TESMIN: variants seen among roughly 807,000 people sequenced by gnomAD.
TESMIN encodes CXC domain containing 2.
In TESMIN, 34 loss-of-function variants were observed where a neutral mutation model predicts 47.4. The ratio of observed to expected loss-of-function variants is 0.72; its 90% CI spans 0.55 to 0.96. TESMIN has a LOEUF of 0.96. Among genes scored for constraint, TESMIN ranks in the 40% least tolerant of loss-of-function variants. TESMIN has a pLI of 0.00. For missense variants in TESMIN, 610 were observed against 637.2 expected (o/e 0.96, Z 0.46); for synonymous variants, 278 against 258.9 (o/e 1.07, Z -0.71).
chr11:68,737,599 T>C, intron 6 of TESMIN: 2 of 985,624 alleles, frequency 2.0e-6, no homozygotes, highest in Non-Finnish European at 2.4e-6. Flanking sequence ...CCAGGGTATG[T>C]GTTTGCCTTA....
intron 6 of TESMIN, among the ~76,000 whole-genome samples, chr11:68,734,579 G>C (rs991569871): frequency 6.6e-6 from 1 of 152,202 alleles, no homozygotes; most frequent in African/African-American, 2.4e-5. Context: ...CTGTCCCTGT[G>C]CCCAGTGGGG....
intron 3 of TESMIN, among the ~76,000 whole-genome samples, chr11:68,745,503 C>A (rs957994926): frequency 2.0e-5 from 3 of 152,146 alleles, no homozygotes; most frequent in Non-Finnish European, 4.4e-5. Context: ...CTCCGCTAAG[C>A]CCCAGCCCAT....
At chr11:68,749,914 T>TG (rs1006164751) in intron 2 of TESMIN, among the ~76,000 whole-genome samples, 12 of 152,190 alleles carry the variant, frequency 7.9e-5, no homozygotes, top group African/African-American at 2.9e-4. Flanking sequence ...CCCCTTTTTT[T>TG]GTTGTCCGCC....
intron 6 of TESMIN, among the ~76,000 whole-genome samples, chr11:68,732,240 C>T (rs959655986): frequency 3.3e-5 from 5 of 152,320 alleles, no homozygotes; most frequent in South Asian, 2.1e-4. Flanking sequence ...CGAGTGCCCT[C>T]GTGATGGTAC....
intron 6 of TESMIN, among the ~76,000 whole-genome samples, chr11:68,735,262 C>T (rs759437318): frequency 3.0e-4 from 46 of 152,208 alleles, no homozygotes; most frequent in Non-Finnish European, 4.7e-4. Context: ...AGCTACTTCA[C>T]TGCTCTTGCC....
chr11:68,742,271 A>T (rs1019466129), intron 5 of TESMIN, 47 bp downstream of exon 5: 5 of 1,155,070 alleles, frequency 4.3e-6, no homozygotes, highest in Admixed American at 4.7e-5. Flanking sequence ...AAATTTTAAG[A>T]GACAATAATG....
At position 68,713,329 on chromosome 11, in the gene TESMIN, T is replaced by G; in HGVS notation, c.1099A>C (p.Asn367His). 2 of 1,614,202 alleles carry G rather than the reference T, an allele frequency of 1.2e-6. No homozygotes were observed. The highest frequency in any genetic ancestry group is 1.7e-6 in the Non-Finnish European group (2 of 1,180,032). Reference protein sequence around the residue: ...GQLGNVKPQHNKGCNCRRSGC... With the variant: ...GQLGNVKPQHHKGCNCRRSGC... ...GACCTCCTGCAGTTGCACCCTTTGT[T>G]GTGCTGGGGCTTGACATTGCCCAAT... Residue 367 changes from asparagine (N) to histidine (H), a missense_variant, in exon 8 of 10, where the codon AAC (asparagine) becomes CAC (histidine). Asn to His is a moderately conservative substitution (Grantham distance 68). Transcript: ENST00000255087.
chr11:68,735,497 T>C (rs906166610), intron 6 of TESMIN, among the ~76,000 whole-genome samples: 5 of 152,338 alleles, frequency 3.3e-5, no homozygotes, highest in African/African-American at 9.6e-5. Flanking sequence ...TGGCCAGGAC[T>C]GTGGTCAGTG....
At chr11:68,734,194 C>T (rs1946361299) in intron 6 of TESMIN, among the ~76,000 whole-genome samples, 1 of 152,202 alleles carries the variant, frequency 6.6e-6, no homozygotes, top group Admixed American at 6.5e-5. Flanking sequence ...TGTTAGTAAT[C>T]ACTTAAGTGT....
intron 6 of TESMIN, chr11:68,736,513 C>A: frequency 1.0e-6 from 1 of 985,362 alleles, no homozygotes; most frequent in Non-Finnish European, 1.2e-6. Context: ...TTCTTACCAC[C>A]AAAAATAAAT....
intron 6 of TESMIN, among the ~76,000 whole-genome samples, chr11:68,721,084 T>C (rs1946198412): frequency 6.6e-6 from 1 of 152,242 alleles, no homozygotes; most frequent in Non-Finnish European, 1.5e-5. Context: ...CAGTATGTTA[T>C]GAATGTTTCC....
At chr11:68,744,307 G>A (rs147333847) in intron 4 of TESMIN, among the ~76,000 whole-genome samples, 200 of 152,330 alleles carry the variant, frequency 1.3e-3, no homozygotes, top group Admixed American at 2.5e-3. Flanking sequence ...ATGTGATTAC[G>A]TGCAGTCCCC....
At chr11:68,744,610 T>C (rs1467953481) in intron 4 of TESMIN, among the ~76,000 whole-genome samples, 2 of 152,240 alleles carry the variant, frequency 1.3e-5, no homozygotes, top group Non-Finnish European at 2.9e-5. Flanking sequence ...TGTAGGTGTT[T>C]ACACCACACC....
In TESMIN at chr11:68,710,952, A is replaced by G. The variant is rs753205263; in HGVS notation, c.1256T>C (p.Met419Thr). ...GCTGCCTTCCAAACCTCCAGTCTGC[A>G]TGTAGTTTGGCATGCTCATTAGTGT... is the stretch of plus-strand genomic sequence containing the variant. Reference protein sequence around the residue: ...RKTLMSMPNYMQTGGLEGSHY... With the variant: ...RKTLMSMPNYTQTGGLEGSHY... The change falls in exon 9 of 10, where the codon ATG becomes ACG. Residue 419 changes from methionine (M) to threonine (T), a missense_variant. Met to Thr is a moderately conservative substitution (Grantham distance 81). Coordinates refer to ENST00000255087, the MANE Select transcript of TESMIN (RefSeq NM_004923.3). 4 of 1,614,082 alleles carry G rather than the reference A, an allele frequency of 2.5e-6. No individual in the cohort carries two copies. In the East Asian group the frequency reaches 8.9e-5, roughly 36 times the overall value.
chr11:68,726,271 G>A (rs1946263172), intron 6 of TESMIN, among the ~76,000 whole-genome samples: 1 of 152,108 alleles, frequency 6.6e-6, no homozygotes, highest in African/African-American at 2.4e-5. Context: ...TGGGAGGGGA[G>A]GAGGCTCACT....
chr11:68,745,135 G>T (rs762971284), intron 3 of TESMIN, 24 bp from the exon 4 acceptor site: 1 of 1,567,322 alleles, frequency 6.4e-7, no homozygotes, highest in South Asian at 1.2e-5. Context: ...GAACAATCAG[G>T]TTTCATTTTT....
At chr11:68,716,669 C>T (rs1002489273) in intron 6 of TESMIN, among the ~76,000 whole-genome samples, 2 of 152,240 alleles carry the variant, frequency 1.3e-5, no homozygotes, top group Admixed American at 1.3e-4. Context: ...CAGTCTCCCT[C>T]CCAAGGTCTT....
At chr11:68,744,484 G>A (rs115719869) in intron 4 of TESMIN, among the ~76,000 whole-genome samples, 351 of 152,316 alleles carry the variant, frequency 2.3e-3, no homozygotes, top group African/African-American at 8.0e-3. Flanking sequence ...TCTTAGTCAG[G>A]TAAGAATGAA....
rs528520756 is a variant in TESMIN, at chr11:68,717,083, G to A, written c.918-1144C>T. Among the ~76,000 whole-genome samples, 11 of 152,386 alleles carry A rather than the reference G, an allele frequency of 7.2e-5. No individual in the cohort carries two copies. The South Asian group carries it at 1.7e-3, about 23-fold the overall frequency. On this transcript the variant is annotated intron_variant, in intron 6 of 9. Transcript: ENST00000255087. ...TCCCATAGTGCTGCAGGAACACGGC[G>A]AGGGCCGTGCAGGAGACCAGAGGTC...
Sources: allele counts gnomAD v4.1 joint callset (sites outside exome capture counted in the v4.1 genomes callset), GRCh38; gene constraint gnomAD v4.1.1; transcripts MANE v1.5; gene names NCBI Gene and HGNC (gene_info 2026-07-23, HGNC 2026-07-21).